The following LHFPL6 variants were observed in gnomAD, a reference collection of about 807,000 sequenced individuals.
LHFPL6 encodes LHFPL tetraspan subfamily member 6 protein.
Under a neutral mutation model 20.6 loss-of-function variants are expected in LHFPL6, and 9 were observed. The observed-to-expected ratio is 0.44, with a 90% CI of 0.26 to 0.76. The LOEUF (loss-of-function observed/expected upper bound fraction) is 0.76. Ranked by LOEUF, LHFPL6 falls within the 30% of genes least tolerant of loss-of-function variation. The pLI is 0.20. For synonymous variants in LHFPL6, 105 were observed against 98.7 expected, an observed-to-expected ratio of 1.06 and a Z score of -0.38; for missense variants, 218 against 253.5, an observed-to-expected ratio of 0.86 and a Z score of 0.95.
At chr13:39,457,373 A>G (rs1872595362) in intron 2 of LHFPL6, among the ~76,000 whole-genome samples, 2 of 152,206 alleles carry the variant, frequency 1.3e-5, no homozygotes, top group African/African-American at 4.8e-5. Context: ...AGTACATGAA[A>G]AGAAGTTCAA....
At chr13:39,595,280 C>CAGGCGGCT (rs1872737091) in intron 2 of LHFPL6, among the ~76,000 whole-genome samples, 1 of 152,064 alleles carries the variant, frequency 6.6e-6, no homozygotes, top group Admixed American at 6.6e-5. Flanking sequence ...CACTGTCAGC[C>CAGGCGGCT]GCCTGTAGTG....
At chr13:39,571,222 T>A (rs1307094717) in intron 2 of LHFPL6, among the ~76,000 whole-genome samples, 2 of 152,218 alleles carry the variant, frequency 1.3e-5, no homozygotes. Context: ...CAAAGACAGT[T>A]TAAAGCCTGA....
intron 2 of LHFPL6, among the ~76,000 whole-genome samples, chr13:39,401,380 T>C (rs1566103055): frequency 6.6e-6 from 1 of 152,170 alleles, no homozygotes; most frequent in Non-Finnish European, 1.5e-5. Flanking sequence ...GGGAAATTCA[T>C]CAGTTTCATG....
At chr13:39,590,754 G>A (rs1002116588) in intron 2 of LHFPL6, among the ~76,000 whole-genome samples, 2 of 152,212 alleles carry the variant, frequency 1.3e-5, no homozygotes, top group Admixed American at 6.5e-5. Flanking sequence ...TCTCTTGAGT[G>A]TGGTTTTTGA....
At position 39,474,797 on chromosome 13, in the gene LHFPL6, C is replaced by G. The variant is rs149587089; in HGVS notation, c.386-96271G>C. On this transcript the variant is annotated intron_variant, in intron 2 of 3. Transcript: ENST00000379589. ...GGTGGGGGCAGGCCAGTACCACAGA[C>G]AGCGATGCATCTCACACAACACATG... Among the ~76,000 whole-genome samples, 898 of 151,932 alleles carry G rather than the reference C, an allele frequency of 5.9e-3. 7 individuals carry two copies. The highest frequency in any genetic ancestry group is 0.01 in the Non-Finnish European group (689 of 67,970).
At chr13:39,432,053 G>A (rs950279221) in intron 2 of LHFPL6, among the ~76,000 whole-genome samples, 22 of 152,220 alleles carry the variant, frequency 1.4e-4, no homozygotes, top group African/African-American at 5.3e-4. Flanking sequence ...AGGGCTGGAA[G>A]GAACCCAGCT....
At chr13:39,561,689 G>A (rs536472872) in intron 2 of LHFPL6, among the ~76,000 whole-genome samples, 22 of 152,240 alleles carry the variant, frequency 1.4e-4, no homozygotes, top group South Asian at 6.2e-4. Flanking sequence ...ACTCTTGGCC[G>A]TAAGTGATCC....
intron 2 of LHFPL6, among the ~76,000 whole-genome samples, chr13:39,590,684 T>G (rs1872568082): frequency 6.6e-6 from 1 of 152,330 alleles, no homozygotes; most frequent in East Asian, 1.9e-4. Flanking sequence ...ATATTTACAT[T>G]GAATCATGTA....
intron 2 of LHFPL6, among the ~76,000 whole-genome samples, chr13:39,480,138 T>C (rs1266149843): frequency 1.3e-5 from 2 of 152,198 alleles, no homozygotes; most frequent in African/African-American, 2.4e-5. Flanking sequence ...GATTCTTCCA[T>C]GTGCCAGTTT....
intron 2 of LHFPL6, among the ~76,000 whole-genome samples, chr13:39,415,328 G>A (rs1018822326): frequency 6.6e-6 from 1 of 152,144 alleles, no homozygotes; most frequent in Non-Finnish European, 1.5e-5. Flanking sequence ...TATTGCCTCA[G>A]CCGATAACTG....
At chr13:39,457,609 C>T (rs1872600941) in intron 2 of LHFPL6, among the ~76,000 whole-genome samples, 1 of 152,176 alleles carries the variant, frequency 6.6e-6, no homozygotes, top group South Asian at 2.1e-4. Context: ...CCATATGACT[C>T]TGCAATCTAT....
chr13:39,512,444 T>C (rs1348370046), intron 2 of LHFPL6, among the ~76,000 whole-genome samples: 1 of 151,546 alleles, frequency 6.6e-6, no homozygotes, highest in Non-Finnish European at 1.5e-5. Flanking sequence ...CTACTAAAAA[T>C]ACAAAAAATT....
At position 39,515,238 on chromosome 13, in the gene LHFPL6, C is replaced by T. The variant is rs567192831; in HGVS notation, c.385+85594G>A. Among the ~76,000 whole-genome samples the T allele has an allele frequency of 2.4e-4, 36 of 152,236 alleles. 1 individual carries two copies. The highest frequency in any genetic ancestry group is 3.4e-4 in the Non-Finnish European group (23 of 68,050). On this transcript the variant is annotated intron_variant, in intron 2 of 3. Transcript: ENST00000379589. Reference sequence around the variant, plus strand: ...AGCAATCCAAGCCAGGGATGAGCTGCGCTGCCTTCAAGAAGCAATGCGCCT... The same window carrying T: ...AGCAATCCAAGCCAGGGATGAGCTGTGCTGCCTTCAAGAAGCAATGCGCCT...
rs911118619 is a variant in LHFPL6, at chr13:39,547,283, C to T, written c.385+53549G>A. On this transcript the variant is annotated intron_variant, in intron 2 of 3. Coordinates refer to ENST00000379589, the MANE Select transcript of LHFPL6 (RefSeq NM_005780.3). Reference sequence around the variant, plus strand: ...CCATTCAGTGGTTTCCAACACATTGCCTCATCTCTGGTTGCCTGCTTCCTT... The same window carrying T: ...CCATTCAGTGGTTTCCAACACATTGTCTCATCTCTGGTTGCCTGCTTCCTT... Among the ~76,000 whole-genome samples, 13 of 152,114 alleles carry T rather than the reference C, an allele frequency of 8.5e-5. 1 individual carries two copies. Among genetic ancestry groups the T allele is most frequent in the African/African-American group, 3.1e-4 (13 of 41,364 alleles).
At chr13:39,452,272 GA>G (rs903109295) in intron 2 of LHFPL6, among the ~76,000 whole-genome samples, 1 of 152,144 alleles carries the variant, frequency 6.6e-6, no homozygotes, top group Non-Finnish European at 1.5e-5. Context: ...ACATTGCACT[GA>G]AAAACAATCT....
intron 2 of LHFPL6, among the ~76,000 whole-genome samples, chr13:39,454,628 C>CAAAAAAAAAAAAAAAAAA (rs57933417): frequency 1.5e-5 from 1 of 68,514 alleles, no homozygotes; most frequent in African/African-American, 4.5e-5. Context: ...GACTCCGTCT[C>CAAAAAAAAAAAAAAAAAA]AAAAAAAAAA....
chr13:39,588,102 A>G (rs1263112886), intron 2 of LHFPL6, among the ~76,000 whole-genome samples: 3 of 152,118 alleles, frequency 2.0e-5, no homozygotes, highest in African/African-American at 7.2e-5. Context: ...AGTGGCACAC[A>G]GTGTGTGAGG....
chr13:39,399,819 T>G (rs1470244150), intron 2 of LHFPL6, among the ~76,000 whole-genome samples: 1 of 152,146 alleles, frequency 6.6e-6, no homozygotes, highest in Non-Finnish European at 1.5e-5. Flanking sequence ...CTAGGCCAGG[T>G]GCAGTGGCTC....
At chr13:39,568,528 C>A (rs1353360821) in intron 2 of LHFPL6, among the ~76,000 whole-genome samples, 1 of 152,154 alleles carries the variant, frequency 6.6e-6, no homozygotes, top group Admixed American at 6.5e-5. Flanking sequence ...AAAAACCTAA[C>A]CCAAATAAAA....
Sources: gnomAD v4.1 joint callset for allele counts (sites outside exome capture counted in the v4.1 genomes callset) on GRCh38, gnomAD v4.1.1 for gene constraint, MANE v1.5 for transcripts, NCBI Gene and HGNC (gene_info 2026-07-23, HGNC 2026-07-21) for gene names.